Variants in SORCS2 observed in about 807,000 individuals in gnomAD.
SORCS2 encodes the protein sortilin related VPS10 domain containing receptor 2.
A neutral mutation model predicts 141.6 loss-of-function variants in SORCS2; 100 were observed. The ratio of observed to expected loss-of-function variants is 0.71; its 90% CI spans 0.60 to 0.83. The LOEUF is 0.83. Ranked by LOEUF, SORCS2 falls within the 40% of genes least tolerant of loss-of-function variation. The pLI is 0.00. For synonymous variants in SORCS2, 789 were observed against 676.9 expected, an observed-to-expected ratio of 1.17 and a Z score of -2.57; for missense variants, 1,646 against 1,560.2, an observed-to-expected ratio of 1.05 and a Z score of -0.93.
intron 1 of SORCS2, among the ~76,000 whole-genome samples, chr4:7,237,105 G>A (rs879665086): frequency 1.3e-5 from 2 of 152,186 alleles, no homozygotes; most frequent in African/African-American, 2.4e-5. Flanking sequence ...GGAGGAGTTT[G>A]GGGCCTCAAG....
intron 2 of SORCS2, among the ~76,000 whole-genome samples, chr4:7,403,959 GTGTATATATA>G (rs61097294): frequency 3.8e-4 from 5 of 13,022 alleles, no homozygotes; most frequent in Admixed American, 1.0e-3. Context: ...GCCTCCATGT[GTGTATATATA>G]TATATATATA....
In SORCS2 at chr4:7,512,091, C is replaced by G. The variant is rs113406716; in HGVS notation, c.549-19439C>G. The stretch of plus-strand genomic sequence containing the variant: ...AGTTGAGTCACATTCTGGAATCAAC[C>G]TAGTTAACAGGTCCTGGGATCTAGG... On this transcript the variant is annotated intron_variant, in intron 2 of 26. Coordinates refer to ENST00000507866, the MANE Select transcript of SORCS2 (RefSeq NM_020777.3). Among the ~76,000 whole-genome samples the G allele has an allele frequency of 8.2e-4, 125 of 152,242 alleles. 1 individual carries two copies. The highest frequency in any genetic ancestry group is 2.8e-3 in the African/African-American group (116 of 41,550).
intron 15 of SORCS2, 54 bp from the exon 16 acceptor site, chr4:7,714,186 G>C (rs1726028005): frequency 6.4e-7 from 1 of 1,574,442 alleles, no homozygotes; most frequent in Non-Finnish European, 8.6e-7. Flanking sequence ...ACAAGGCCTT[G>C]TAGAGCAGTT....
chr4:7,444,112 A>G lies in SORCS2; in HGVS notation c.548+47757A>G, dbSNP rs1279933787. 2.0e-5 allele frequency among the ~76,000 whole-genome samples: 3 copies of G among 152,368 alleles called. No homozygotes were observed. In the East Asian group the frequency reaches 5.8e-4, roughly 29 times the overall value. ...GGGAAATAGGCAGATCCTAAAAGCA[A>G]ACACTTGTACCATGTTTATTTGGCT... On this transcript the variant is annotated intron_variant, in intron 2 of 26. Transcript: ENST00000507866.
rs2109017256 is a variant in SORCS2, at chr4:7,704,166, TCTC to T, written c.1761-8_1761-6del. The T allele has an allele frequency of 1.2e-6, 2 of 1,609,334 alleles. No homozygotes were observed. The highest frequency in any genetic ancestry group is 2.2e-5 in the East Asian group (1 of 44,744). ...CCCACCCCAGAGATGCTGACGATCT[TCTC>T]CTGGCAGGTTCAGTGTGGACGAGGG... is the stretch of plus-strand genomic sequence containing the variant. On this transcript the variant is annotated splice_polypyrimidine_tract_variant and splice_region_variant and intron_variant, in intron 13 of 26. Transcript: ENST00000507866.
intron 25 of SORCS2, among the ~76,000 whole-genome samples, chr4:7,736,033 G>C (rs538144090): frequency 6.6e-6 from 1 of 152,358 alleles, no homozygotes; most frequent in South Asian, 2.1e-4. Flanking sequence ...TTGGGCATAG[G>C]CAGAAGTGCC....
At chr4:7,561,583 TCCATTCATCCA>T (rs1714570544) in intron 3 of SORCS2, among the ~76,000 whole-genome samples, 1 of 66,042 alleles carries the variant, frequency 1.5e-5, no homozygotes, top group Non-Finnish European at 3.4e-5. Context: ...AATCCATCTA[TCCATTCATCCA>T]TCTATCCATC....
intron 1 of SORCS2, among the ~76,000 whole-genome samples, chr4:7,372,565 C>T (rs1176611843): frequency 6.6e-6 from 1 of 152,216 alleles, no homozygotes; most frequent in Non-Finnish European, 1.5e-5. Context: ...ACCTGGGCCT[C>T]CCAAAGTGCT....
intron 3 of SORCS2, among the ~76,000 whole-genome samples, chr4:7,568,191 T>C (rs1237518581): frequency 1.3e-5 from 2 of 152,272 alleles, no homozygotes; most frequent in East Asian, 3.9e-4. Context: ...CTTTCTCAGC[T>C]CACAGTGCCC....
rs979499684 is a variant in SORCS2 at position 7,740,336 on chromosome 4, C to T, written c.*72C>T. 2.2e-5 allele frequency: 31 copies of T among 1,413,840 alleles called. No homozygotes were observed. Among genetic ancestry groups the T allele is most frequent in the African/African-American group, 9.9e-5 (7 of 70,694 alleles). The allele number at this position is 1,413,840 out of a possible 1,614,324, so 87.6% of individuals were successfully genotyped here. Reference sequence around the variant, plus strand: ...CCAGCAAAGCCGGCGGCTGGACTGGCGCCCCTCAGAGACCTGCGGAAAGCC... The same window carrying T: ...CCAGCAAAGCCGGCGGCTGGACTGGTGCCCCTCAGAGACCTGCGGAAAGCC... On this transcript the variant is annotated 3_prime_UTR_variant, in exon 27 of 27. Coordinates refer to ENST00000507866, the MANE Select transcript of SORCS2 (RefSeq NM_020777.3).
chr4:7,635,333 A>G (rs548998742), intron 3 of SORCS2, among the ~76,000 whole-genome samples: 16 of 152,252 alleles, frequency 1.1e-4, no homozygotes, highest in African/African-American at 3.4e-4. Flanking sequence ...GTCTCCATCT[A>G]GCAAGCAGGA....
Position 7,740,524 on chromosome 4 carries a change from A to C in SORCS2, c.*260A>C. 3.7e-6 allele frequency: 2 copies of C among 536,206 alleles called. No individual in the cohort carries two copies. Among genetic ancestry groups the C allele is most frequent in the Non-Finnish European group, 6.8e-6 (2 of 295,504 alleles). The allele number at this position is 536,206 out of a possible 1,614,324, so 33.2% of individuals were successfully genotyped here. The stretch of plus-strand genomic sequence containing the variant: ...CTGACTCAGGCAGGTTCTGCCCCCC[A>C]GACCCCACACACGGCCGCCCCACGT... On this transcript the variant is annotated 3_prime_UTR_variant, in exon 27 of 27. Transcript: ENST00000507866.
chr4:7,531,341 G>A (rs1711625329), intron 2 of SORCS2, among the ~76,000 whole-genome samples, 189 bp from the exon 3 acceptor site: 1 of 152,224 alleles, frequency 6.6e-6, no homozygotes, highest in South Asian at 2.1e-4. Context: ...CAGTGTTCCT[G>A]AGAGAGCCCA....
chr4:7,595,632 C>T lies in SORCS2; in HGVS notation c.649-42696C>T, dbSNP rs112836291. On this transcript the variant is annotated intron_variant, in intron 3 of 26. Transcript: ENST00000507866. ...GTCCTAGGAGCTGTGTGCCAGGAAC[C>T]GGGACAGAGACCAGAGACCAAATAT... is the stretch of plus-strand genomic sequence containing the variant. 7.0e-4 allele frequency among the ~76,000 whole-genome samples: 107 copies of T among 152,052 alleles called. 1 individual carries two copies. The highest frequency in any genetic ancestry group is 1.7e-3 in the African/African-American group (69 of 41,456).
chr4:7,741,006 G>A lies in SORCS2; in HGVS notation c.*742G>A, dbSNP rs1360935994. 10 of 398,624 alleles carry A rather than the reference G, an allele frequency of 2.5e-5. No homozygotes were observed. Among genetic ancestry groups the A allele is most frequent in the Middle Eastern group, 6.3e-4 (1 of 1,590 alleles). 24.7% of individuals were successfully genotyped at this position (398,624 alleles called of 1,614,324 possible). ...CTCCCTGGTTCTCCCCAGGGCAGAC[G>A]GGGTAGGGCGGGCTCAGGACCCAGT... On this transcript the variant is annotated 3_prime_UTR_variant, in exon 27 of 27. Coordinates refer to ENST00000507866, the MANE Select transcript of SORCS2 (RefSeq NM_020777.3).
intron 12 of SORCS2, among the ~76,000 whole-genome samples, chr4:7,697,946 C>T (rs1019464442): frequency 1.3e-5 from 2 of 152,186 alleles, no homozygotes; most frequent in African/African-American, 2.4e-5. Context: ...TGCAGCCCCA[C>T]GTGGAGCTCA....
chr4:7,667,872 C>G (rs1381934671), intron 8 of SORCS2, among the ~76,000 whole-genome samples: 1 of 152,196 alleles, frequency 6.6e-6, no homozygotes, highest in African/African-American at 2.4e-5. Flanking sequence ...GATGGAAGTT[C>G]AGAGAGACAC....
At chr4:7,630,283 G>A (rs1719802074) in intron 3 of SORCS2, among the ~76,000 whole-genome samples, 1 of 152,126 alleles carries the variant, frequency 6.6e-6, no homozygotes, top group Admixed American at 6.5e-5. Flanking sequence ...GGAGCACCTG[G>A]GAGACCCTAA....
chr4:7,613,290 C>T (rs190648839), intron 3 of SORCS2, among the ~76,000 whole-genome samples: 1 of 152,308 alleles, frequency 6.6e-6, no homozygotes, highest in East Asian at 1.9e-4. Context: ...CAAGGAGGCC[C>T]AATAAACTAA....
Sources: allele counts gnomAD v4.1 joint callset (sites outside exome capture counted in the v4.1 genomes callset), GRCh38; gene constraint gnomAD v4.1.1; transcripts MANE v1.5; gene names NCBI Gene and HGNC (gene_info 2026-07-23, HGNC 2026-07-21).